The following COPZ2 variants were observed in gnomAD, a reference collection of about 807,000 sequenced individuals.
The protein encoded by COPZ2 is coat protein complex I subunit zeta 2, also known as coatomer subunit zeta-2.
A neutral mutation model predicts 33.2 loss-of-function variants in COPZ2; 30 were observed. That is an observed-to-expected ratio of 0.90 (90% CI 0.68 to 1.23). The LOEUF (loss-of-function observed/expected upper bound fraction) is 1.23, where lower values mean the gene tolerates loss of function less well. Among genes scored for constraint, COPZ2 ranks in the 50% most tolerant of loss-of-function variants. The pLI is 0.00. For synonymous variants in COPZ2, 89 were observed against 102.6 expected (o/e 0.87, Z 0.80); for missense variants, 263 against 262.4 (o/e 1.00, Z -0.02).
At position 48,037,220 on chromosome 17, in the gene COPZ2, T is replaced by C. The variant is rs1382917987; in HGVS notation, c.112-295A>G. 4 of 639,634 alleles carry C rather than the reference T, an allele frequency of 6.3e-6. No individual in the cohort carries two copies. Among genetic ancestry groups the C allele is most frequent in the Admixed American group, 2.1e-5 (1 of 47,788 alleles). The allele number at this position is 639,634 out of a possible 1,614,324, so 39.6% of individuals were successfully genotyped here. Reference sequence around the variant, plus strand: ...CTGCTCCAGAGCCCGAGTCGGAGTGTATCACAGAACCTGGGCCGGGGGGGA... The same window carrying C: ...CTGCTCCAGAGCCCGAGTCGGAGTGCATCACAGAACCTGGGCCGGGGGGGA... On this transcript the variant is annotated intron_variant, in intron 1 of 8. Transcript: ENST00000621465. The surrounding 1 kb of genome is among the most constrained non-coding windows in gnomAD (Gnocchi z 5.6).
upstream of COPZ2, among the ~76,000 whole-genome samples, chr17:48,038,882 CCAT>C (rs1349429984): frequency 6.6e-6 from 1 of 152,224 alleles, no homozygotes; most frequent in Non-Finnish European, 1.5e-5. Flanking sequence ...CTGACAGCCA[CCAT>C]ATCTGACTTG....
intron 6 of COPZ2, among the ~76,000 whole-genome samples, chr17:48,030,011 C>T (rs1046556381): frequency 1.3e-5 from 2 of 150,592 alleles, no homozygotes; most frequent in Admixed American, 6.6e-5. Context: ...TTAGGCCAGG[C>T]ACAGTGGCTC....
At chr17:48,042,237 G>A (rs959461084), upstream of COPZ2, among the ~76,000 whole-genome samples, 35 of 151,094 alleles carry the variant, frequency 2.3e-4, no homozygotes, top group Non-Finnish European at 4.6e-4. Context: ...AGGTTCAGGC[G>A]ATTCTCCTGT....
upstream of COPZ2, chr17:48,037,915 C>T (rs868158995): frequency 1.1e-6 from 1 of 912,266 alleles, no homozygotes; most frequent in Non-Finnish European, 1.3e-6. The surrounding 1 kb of genome is among the most constrained non-coding windows in gnomAD (Gnocchi z 5.6). Flanking sequence ...CGTTCTCCCC[C>T]ATCTCCCCTC....
chr17:48,027,302 G>A (rs2144289942), intron 8 of COPZ2, among the ~76,000 whole-genome samples: 2 of 152,306 alleles, frequency 1.3e-5, no homozygotes, highest in Middle Eastern at 3.4e-3. Context: ...TTCTCCCTTT[G>A]GAGAAATACT....
At chr17:48,039,873 G>C (rs895529374), upstream of COPZ2, among the ~76,000 whole-genome samples, 3 of 152,098 alleles carry the variant, frequency 2.0e-5, no homozygotes, top group Admixed American at 1.3e-4. Context: ...TGTAATTCCA[G>C]CTCTTTGGAA....
intron 4 of COPZ2, 89 bp downstream of exon 4, chr17:48,033,122 C>A: frequency 1.1e-6 from 1 of 914,954 alleles, no homozygotes; most frequent in Non-Finnish European, 1.7e-6. Flanking sequence ...AATGGTGAGC[C>A]TCCAGGTCCC....
upstream of COPZ2, among the ~76,000 whole-genome samples, chr17:48,042,984 T>G (rs977786585): frequency 2.0e-5 from 3 of 152,230 alleles, no homozygotes. Context: ...TGTCCAGTAT[T>G]GGGACAGTGT....
chr17:48,047,474 A>G, the COPZ2 span: 1 of 152,230 alleles, frequency 6.6e-6, no homozygotes, highest in African/African-American at 2.4e-5. Context: ...GAGAGTCACA[A>G]ACATGTTTTG....
chr17:48,029,372 T>G, intron 6 of COPZ2, 196 bp from the exon 7 acceptor site: 1 of 643,610 alleles, frequency 1.6e-6, no homozygotes, highest in Middle Eastern at 4.0e-4. Context: ...TCTTTGATGC[T>G]TCAACCCAGT....
chr17:48,032,947 C>T (rs1188126639), intron 4 of COPZ2: 9 of 504,762 alleles, frequency 1.8e-5, no homozygotes, highest in Non-Finnish European at 3.1e-5. Flanking sequence ...TGAGTGTATC[C>T]TTCTCTAGTT....
the COPZ2 span, among the ~76,000 whole-genome samples, chr17:48,044,427 T>TA: frequency 1.9e-4 from 28 of 146,782 alleles, no homozygotes; most frequent in Non-Finnish European, 3.0e-4. Context: ...TTTTTTTTTT[T>TA]ACCCCAATGT....
At position 48,026,885 on chromosome 17, in the gene COPZ2, A is replaced by T. The variant is rs2036825747; in HGVS notation, c.586-410T>A. 2.6e-5 allele frequency among the ~76,000 whole-genome samples: 4 copies of T among 152,214 alleles called. No homozygotes were observed. The South Asian group carries it at 8.3e-4, about 31-fold the overall frequency. On this transcript the variant is annotated intron_variant, in intron 8 of 8. Transcript: ENST00000621465. The stretch of plus-strand genomic sequence containing the variant: ...TGGCCATGGCTGGCAATGTGTCCTC[A>T]ACACCCCACCGCAACCCACTGCTGA...
At chr17:48,047,654 T>C in the COPZ2 span, 1 of 135,942 alleles carries the variant, frequency 7.4e-6, no homozygotes, top group South Asian at 2.3e-4. Context: ...CCGCCAACGT[T>C]CCGCCAACGT....
upstream of COPZ2, among the ~76,000 whole-genome samples, chr17:48,042,401 T>A (rs866041667): frequency 6.6e-6 from 1 of 152,206 alleles, no homozygotes; most frequent in African/African-American, 2.4e-5. Context: ...CCCAAAGTGC[T>A]GGGATTACAG....
At chr17:48,040,076 C>T (rs114108369), upstream of COPZ2, among the ~76,000 whole-genome samples, 1,902 of 151,804 alleles carry the variant, frequency 0.013, 42 homozygotes, top group African/African-American at 0.041. Context: ...GACCCGAGAC[C>T]GCACTACAGC....
intron 4 of COPZ2, 195 bp from the exon 5 acceptor site, chr17:48,032,936 T>C (rs1247878717): frequency 1.2e-5 from 7 of 606,122 alleles, no homozygotes; most frequent in Non-Finnish European, 1.8e-5. Flanking sequence ...CTGGGAGACA[T>C]TGAGTGTATC....
In COPZ2 at chr17:48,037,171, G is replaced by A. The variant is rs777544166; in HGVS notation, c.112-246C>T. ...CCGTTGGGTGCAGAAGGTCCTTCCG[G>A]GCCCAAGTTCTGTCATGCACTGACT... On this transcript the variant is annotated intron_variant, in intron 1 of 8. Coordinates refer to ENST00000621465, the MANE Select transcript of COPZ2 (RefSeq NM_016429.4). The surrounding 1 kb of genome is among the most constrained non-coding windows in gnomAD (Gnocchi z 5.6). 1.3e-6 allele frequency: 1 copy of A among 742,484 alleles called. No homozygotes were observed. Among genetic ancestry groups the A allele is most frequent in the South Asian group, 1.4e-5 (1 of 73,030 alleles). 46.0% of individuals were successfully genotyped at this position (742,484 alleles called of 1,614,324 possible).
At chr17:48,047,223 C>G in the COPZ2 span, 1 of 152,298 alleles carries the variant, frequency 6.6e-6, no homozygotes, top group Non-Finnish European at 1.5e-5. Context: ...AAATAATGGG[C>G]TCTTCTAAGA....
Sources: gnomAD v4.1 joint callset for allele counts (sites outside exome capture counted in the v4.1 genomes callset) on GRCh38, gnomAD v4.1.1 for gene constraint, Gnocchi (gnomAD v3.1) non-coding constraint, MANE v1.5 for transcripts, NCBI Gene and HGNC (gene_info 2026-07-23, HGNC 2026-07-21) for gene names.